The following DACT3 variants were observed in gnomAD, a reference collection of about 807,000 sequenced individuals.
DACT3 encodes dishevelled binding antagonist of beta catenin 3, also known as dapper homolog 3.
DACT3 carries 5 observed loss-of-function variants against 19.6 expected under a neutral mutation model. That is an observed-to-expected ratio of 0.26 (90% CI 0.13 to 0.54). The LOEUF is 0.54. Among genes scored for constraint, DACT3 ranks in the 20% least tolerant of loss-of-function variants. The pLI, the probability that DACT3 is intolerant of heterozygous loss-of-function variation, is 0.95. For missense variants in DACT3, 908 were observed against 927.4 expected, an observed-to-expected ratio of 0.98 and a Z score of 0.27; for synonymous variants, 454 against 428.1, an observed-to-expected ratio of 1.06 and a Z score of -0.75.
Position 46,649,006 on chromosome 19 carries a change from G to A in DACT3, c.1366C>T (p.Arg456Trp), listed in dbSNP as rs1350523342. The change falls in exon 4 of 4, where the codon CGG becomes TGG. Residue 456 changes from arginine (R) to tryptophan (W), a missense_variant. Physicochemically the swap from Arg to Trp is moderately radical, Grantham distance 101. This residue lies in a region of DACT3 where 656 missense variants were observed against 601.8 expected (regional missense o/e 1.09). Transcript: ENST00000391916. ...TAEREEPRPPRPRRGPAPTLA... is the reference protein window; with the variant it reads ...TAEREEPRPPWPRRGPAPTLA... The stretch of plus-strand genomic sequence containing the variant: ...GTGGGCGCTGGGCCGCGGCGTGGCC[G>A]TGGAGGCCGAGGCTCTTCCCGCTCC... 3.2e-6 allele frequency: 4 copies of A among 1,267,356 alleles called. No individual in the cohort carries two copies. Among genetic ancestry groups the A allele is most frequent in the South Asian group, 5.1e-5 (2 of 38,938 alleles). The allele number at this position is 1,267,356 out of a possible 1,614,324, so 78.5% of individuals were successfully genotyped here. A position where few individuals can be genotyped will look rare whatever the true frequency, so the allele number is the denominator to read the frequency against.
In DACT3 at chr19:46,652,689, A is replaced by G. The variant is rs1384545363; in HGVS notation, c.470T>C (p.Ile157Thr). The G allele has an allele frequency of 3.2e-6, 5 of 1,551,416 alleles. No homozygotes were observed. Among genetic ancestry groups the G allele is most frequent in the Non-Finnish European group, 4.4e-6 (5 of 1,146,978 alleles). The change falls in exon 3 of 4, where the codon ATC (isoleucine) becomes ACC (threonine). Residue 157 changes from isoleucine to threonine, a missense_variant. Coordinates refer to ENST00000391916, the MANE Select transcript of DACT3 (RefSeq NM_145056.3). ...GRLGPSEPRG[I>T]YASERPKSLG... ...GGACTTGGGCCTCTCACTGGCATAG[A>G]TGCCCCGGGGCTCAGAGGGACCCAG... is the stretch of plus-strand genomic sequence containing the variant.
At position 46,648,402 on chromosome 19, in the gene DACT3, A is replaced by C; in HGVS notation, c.*80T>G. 1 of 1,596,126 alleles carries C rather than the reference A, an allele frequency of 6.3e-7. No individual in the cohort carries two copies. Among genetic ancestry groups the C allele is most frequent in the Non-Finnish European group, 8.6e-7 (1 of 1,169,422 alleles). On this transcript the variant is annotated 3_prime_UTR_variant, in exon 4 of 4. Transcript: ENST00000391916. This position sits in a 1 kb window ranked among gnomAD's most constrained non-coding sequence, Gnocchi z 5.1. Reference sequence around the variant, plus strand: ...AGCAGAGAAAACGATGGTCTTTGGAAGGTAGATGTGGAAGGGTCAGTGGTT... The same window carrying C: ...AGCAGAGAAAACGATGGTCTTTGGACGGTAGATGTGGAAGGGTCAGTGGTT...
In DACT3 at chr19:46,649,646, C is replaced by A. The variant is rs1231129814; in HGVS notation, c.726G>T (p.Ala242=). Residue 242 remains alanine (A), a synonymous_variant, in exon 4 of 4, where the codon GCG becomes GCT. Coordinates refer to ENST00000391916, the MANE Select transcript of DACT3 (RefSeq NM_145056.3). ...CGTCCAGGGGCCGCCCTGCGCCCCC[C>A]GCGTCGGGCGAGTCGGTGGGAGGGC... ...CGRPPTDSPD[A]GGAGRPLDGY... is the part of the protein sequence containing the mutation. The A allele has an allele frequency of 1.7e-6, 2 of 1,150,936 alleles. No individual in the cohort carries two copies. The highest frequency in any genetic ancestry group is 2.1e-6 in the Non-Finnish European group (2 of 938,156). The allele number at this position is 1,150,936 out of a possible 1,614,324, so 71.3% of individuals were successfully genotyped here.
chr19:46,653,225 C>A, intron 1 of DACT3, 150 bp from the exon 2 acceptor site: 1 of 1,219,838 alleles, frequency 8.2e-7, no homozygotes, highest in Non-Finnish European at 1.1e-6. Flanking sequence ...CCAGGACCCC[C>A]TCAAGATCTG....
chr19:46,654,287 A>G (rs1599791368), intron 1 of DACT3: 5 of 827,502 alleles, frequency 6.0e-6, no homozygotes, highest in Non-Finnish European at 7.3e-6. Context: ...AGGAGTTGGA[A>G]CCAGCCTGGC....
rs1489381125 is a variant in DACT3 at position 46,653,051 on chromosome 19, C to A, written c.274G>T (p.Asp92Tyr). The change falls in exon 2 of 4, where the codon GAC (aspartate) becomes TAC (tyrosine). Residue 92 changes from aspartate (D) to tyrosine (Y), a missense_variant. Asp to Tyr is a radical substitution (Grantham distance 160). Transcript: ENST00000391916. ...AGGTCTCCCAGCTGCTGTCCCAGGT[C>A]CCAGACGAGACCAGGCAGGGCCTCC... ...QLEALPGLVWDLGQQLGDLSL... is the reference protein window; with the variant it reads ...QLEALPGLVWYLGQQLGDLSL... 1.4e-5 allele frequency: 22 copies of A among 1,551,370 alleles called. No individual in the cohort carries two copies. The highest frequency in any genetic ancestry group is 1.8e-5 in the Non-Finnish European group (21 of 1,146,982).
intron 1 of DACT3, among the ~76,000 whole-genome samples, chr19:46,658,127 T>A (rs573162092): frequency 4.6e-5 from 7 of 151,838 alleles, no homozygotes; most frequent in Admixed American, 1.3e-4. Flanking sequence ...GTACAGTAGC[T>A]CACACCTGCA....
Position 46,649,035 on chromosome 19 carries a change from G to T in DACT3, c.1337C>A (p.Thr446Lys). 1 of 1,276,966 alleles carries T rather than the reference G, an allele frequency of 7.8e-7. No homozygotes were observed. Among genetic ancestry groups the T allele is most frequent in the East Asian group, 3.3e-5 (1 of 30,368 alleles). The allele number at this position is 1,276,966 out of a possible 1,614,324, so 79.1% of individuals were successfully genotyped here. A position where few individuals can be genotyped will look rare whatever the true frequency, so the allele number is the denominator to read the frequency against. Reference protein sequence around the residue: ...AVPSGPPKYPTAEREEPRPPR... With the variant: ...AVPSGPPKYPKAEREEPRPPR... ...AGGCCGAGGCTCTTCCCGCTCCGCC[G>T]TGGGGTACTTAGGGGGCCCCGAAGG... Residue 446 changes from threonine (T) to lysine (K), a missense_variant, in exon 4 of 4, where the codon ACG becomes AAG. Physicochemically the swap from Thr to Lys is moderately conservative, Grantham distance 78. Transcript: ENST00000391916.
chr19:46,659,227 C>T (rs981692277), intron 1 of DACT3: 17 of 984,966 alleles, frequency 1.7e-5, no homozygotes, highest in Admixed American at 6.2e-5. Context: ...ACAAGCTTTG[C>T]CTAGAGACTG....
Position 46,652,971 on chromosome 19 carries a change from A to T in DACT3, c.346+8T>A. 6.4e-7 allele frequency: 1 copy of T among 1,550,748 alleles called. No individual in the cohort carries two copies. On this transcript the variant is annotated splice_region_variant and intron_variant, in intron 2 of 3. Coordinates refer to ENST00000391916, the MANE Select transcript of DACT3 (RefSeq NM_145056.3). ...CCAGGCAAACCCTACCCCTCCATCCATGCTCACCCGAGCTACGCCCGCTCT... is the reference window on the plus strand; with the variant it reads ...CCAGGCAAACCCTACCCCTCCATCCTTGCTCACCCGAGCTACGCCCGCTCT...
At chr19:46,656,535 A>C (rs1188264859) in intron 1 of DACT3, among the ~76,000 whole-genome samples, 1 of 152,020 alleles carries the variant, frequency 6.6e-6, no homozygotes, top group African/African-American at 2.4e-5. Context: ...TTTTTTGTAG[A>C]GACAGGGTCT....
In DACT3 at chr19:46,660,453, A is replaced by C. The variant is rs2053066510; in HGVS notation, c.249+363T>G. The stretch of plus-strand genomic sequence containing the variant: ...TGAGCCTCAATTTGTTTCTCTGTTA[A>C]ATGGGGACTATCACCCCGTTTCCCA... On this transcript the variant is annotated intron_variant, in intron 1 of 3. Transcript: ENST00000391916. This position sits in a 1 kb window ranked among gnomAD's most constrained non-coding sequence, Gnocchi z 4.9. The C allele has an allele frequency of 4.4e-6, 1 of 227,568 alleles. No homozygotes were observed. Among genetic ancestry groups the C allele is most frequent in the African/African-American group, 2.3e-5 (1 of 43,492 alleles). 14.1% of individuals were successfully genotyped at this position (227,568 alleles called of 1,614,324 possible).
At chr19:46,657,479 G>A (rs573160327) in intron 1 of DACT3, among the ~76,000 whole-genome samples, 11 of 145,834 alleles carry the variant, frequency 7.5e-5, no homozygotes, top group African/African-American at 1.3e-4. Context: ...TCAGCCTCCC[G>A]AGTAGCTGGG....
chr19:46,652,341 TCGCTACCACGCCCAACTAA>T (rs2052993769), intron 3 of DACT3: 1 of 394,902 alleles, frequency 2.5e-6, no homozygotes. Context: ...TTACAGGTGT[TCGCTACCACGCCCAACTAA>T]TTTTTGTATA....
intron 1 of DACT3, among the ~76,000 whole-genome samples, chr19:46,657,649 G>A (rs947670241): frequency 1.3e-5 from 2 of 151,384 alleles, no homozygotes; most frequent in Non-Finnish European, 2.9e-5. Context: ...CACCGCGCCC[G>A]GCCAATGAGT....
chr19:46,656,053 ATTTAT>A (rs943050180), intron 1 of DACT3, among the ~76,000 whole-genome samples: 4 of 126,326 alleles, frequency 3.2e-5, no homozygotes, highest in South Asian at 2.7e-4. Context: ...TTATTTATTT[ATTTAT>A]TTATTTATTT....
Position 46,648,333 on chromosome 19 carries a change from A to T in DACT3, c.*149T>A. ...TCGGTGGTGGTGGGGGAGCCTTTTC[A>T]ACCAAGACTGTTAGGAGTGGGGAGA... On this transcript the variant is annotated 3_prime_UTR_variant, in exon 4 of 4. Transcript: ENST00000391916. This position sits in a 1 kb window ranked among gnomAD's most constrained non-coding sequence, Gnocchi z 5.1. The T allele has an allele frequency of 7.2e-7, 1 of 1,381,464 alleles. No individual in the cohort carries two copies. Among genetic ancestry groups the T allele is most frequent in the Non-Finnish European group, 9.9e-7 (1 of 1,011,978 alleles). 85.6% of individuals were successfully genotyped at this position (1,381,464 alleles called of 1,614,324 possible). A position where few individuals can be genotyped will look rare whatever the true frequency, so the allele number is the denominator to read the frequency against.
intron 1 of DACT3, chr19:46,654,206 G>A (rs2053014097): frequency 1.0e-6 from 1 of 985,258 alleles, no homozygotes; most frequent in South Asian, 4.7e-5. Context: ...GGGGAGTCAG[G>A]CCGGGCGCAG....
In DACT3 at chr19:46,654,616, G is replaced by C. The variant is rs117666802; in HGVS notation, c.250-1541C>G. Reference sequence around the variant, plus strand: ...GGACTTAATCTCATTTTAGAAAAGAGAGGGTCAGAGCCAGAAAAAGTCTCA... The same window carrying C: ...GGACTTAATCTCATTTTAGAAAAGACAGGGTCAGAGCCAGAAAAAGTCTCA... On this transcript the variant is annotated intron_variant, in intron 1 of 3. Transcript: ENST00000391916. The C allele has an allele frequency of 1.2e-5, 12 of 985,462 alleles. 1 individual carries two copies. The South Asian group carries it at 5.2e-4, about 42-fold the overall frequency. The allele number at this position is 985,462 out of a possible 1,614,324, so 61.0% of individuals were successfully genotyped here.
Sources: gnomAD v4.1 joint callset for allele counts (sites outside exome capture counted in the v4.1 genomes callset) on GRCh38, gnomAD v4.1.1 for gene constraint, gnomAD v4.1.1 regional missense constraint, Gnocchi (gnomAD v3.1) non-coding constraint, MANE v1.5 for transcripts, NCBI Gene and HGNC (gene_info 2026-07-23, HGNC 2026-07-21) for gene names.